Variants in ASIC2 observed in about 807,000 individuals in gnomAD.
ASIC2 encodes the protein acid sensing ion channel subunit 2, also known as acid-sensing ion channel 2.
A neutral mutation model predicts 57.3 loss-of-function variants in ASIC2; 25 were observed. The ratio of observed to expected loss-of-function variants is 0.44; its 90% CI spans 0.32 to 0.61. ASIC2 has a LOEUF of 0.61. Among genes scored for constraint, ASIC2 ranks in the 20% least tolerant of loss-of-function variants. The pLI is 0.06. For synonymous variants in ASIC2, 319 were observed against 307.5 expected (o/e 1.04, Z -0.39); for missense variants, 641 against 738.1 (o/e 0.87, Z 1.52).
intron 1 of ASIC2, among the ~76,000 whole-genome samples, chr17:33,616,566 TTGAC>T (rs2142018568): frequency 6.6e-6 from 1 of 152,366 alleles, no homozygotes; most frequent in South Asian, 2.1e-4. Context: ...AATAACCTAG[TTGAC>T]TGATTCTCAT....
intron 1 of ASIC2, among the ~76,000 whole-genome samples, chr17:33,514,575 T>C (rs1478767336): frequency 3.3e-5 from 5 of 152,214 alleles, no homozygotes; most frequent in Admixed American, 6.5e-5. Context: ...AGCCACCTGT[T>C]TGGACTTCTG....
At chr17:34,125,595 T>C (rs1328553319) in intron 1 of ASIC2, among the ~76,000 whole-genome samples, 4 of 152,158 alleles carry the variant, frequency 2.6e-5, no homozygotes, top group Admixed American at 1.3e-4. Context: ...GGGATCTCTG[T>C]GGCTACCATC....
chr17:33,136,435 G>A (rs764693584), intron 1 of ASIC2, among the ~76,000 whole-genome samples: 1 of 152,170 alleles, frequency 6.6e-6, no homozygotes, highest in Non-Finnish European at 1.5e-5. Context: ...ATATCTGAGT[G>A]CATACATGCT....
intron 1 of ASIC2, among the ~76,000 whole-genome samples, chr17:33,358,185 G>GA (rs1908460697): frequency 6.6e-6 from 1 of 152,186 alleles, no homozygotes; most frequent in Non-Finnish European, 1.5e-5. Context: ...TCTAACGTGT[G>GA]AAGAGTGTTA....
At position 34,125,444 on chromosome 17, in the gene ASIC2, C is replaced by T. The variant is rs147261665; in HGVS notation, c.555+30534G>A. Among the ~76,000 whole-genome samples, 62 of 152,250 alleles carry T rather than the reference C, an allele frequency of 4.1e-4. 1 individual carries two copies. The highest frequency in any genetic ancestry group is 6.8e-3 in the Middle Eastern group (2 of 294). On this transcript the variant is annotated intron_variant, in intron 1 of 9. Coordinates refer to the ASIC2 transcript ENST00000359872. Reference sequence around the variant, plus strand: ...TGGGGACAGCACCAATTCCACAGAACCCACTCTAGCCAGTGTAATCAGAAA... The same window carrying T: ...TGGGGACAGCACCAATTCCACAGAATCCACTCTAGCCAGTGTAATCAGAAA...
At chr17:33,460,833 C>A (rs776338956) in intron 1 of ASIC2, among the ~76,000 whole-genome samples, 1 of 152,110 alleles carries the variant, frequency 6.6e-6, no homozygotes, top group Non-Finnish European at 1.5e-5. Context: ...AGTGGCAGAG[C>A]CAGGATTCAA....
At chr17:33,853,817 A>G (rs1913841380) in intron 1 of ASIC2, among the ~76,000 whole-genome samples, 1 of 152,210 alleles carries the variant, frequency 6.6e-6, no homozygotes, top group African/African-American at 2.4e-5. Flanking sequence ...GCACATGTGG[A>G]GATAAGCATA....
At chr17:33,670,338 G>A (rs1209876423) in intron 1 of ASIC2, among the ~76,000 whole-genome samples, 1 of 152,194 alleles carries the variant, frequency 6.6e-6, no homozygotes, top group Non-Finnish European at 1.5e-5. Flanking sequence ...TTCTAATGCA[G>A]AGAAAATACT....
At chr17:33,573,503 G>T (rs1007535128) in intron 1 of ASIC2, among the ~76,000 whole-genome samples, 3 of 152,200 alleles carry the variant, frequency 2.0e-5, no homozygotes, top group African/African-American at 7.2e-5. Context: ...TCCAGCACAT[G>T]TGGGAAAGCA....
chr17:33,831,253 G>A (rs1212331849), intron 1 of ASIC2, among the ~76,000 whole-genome samples: 1 of 151,206 alleles, frequency 6.6e-6, no homozygotes, highest in East Asian at 1.9e-4. Flanking sequence ...GAGATTTTTG[G>A]GGGCCTGCTC....
intron 1 of ASIC2, among the ~76,000 whole-genome samples, chr17:34,115,821 A>G (rs1032801725): frequency 6.6e-6 from 1 of 152,180 alleles, no homozygotes; most frequent in African/African-American, 2.4e-5. Context: ...CCCCTTATTC[A>G]GGTATATCTG....
At chr17:33,731,683 T>G (rs1450169351) in intron 1 of ASIC2, among the ~76,000 whole-genome samples, 1 of 152,226 alleles carries the variant, frequency 6.6e-6, no homozygotes, top group African/African-American at 2.4e-5. Flanking sequence ...ACTGAAGGTC[T>G]TCAGATATTC....
At chr17:33,993,181 T>C (rs796927694) in intron 1 of ASIC2, among the ~76,000 whole-genome samples, 2 of 152,306 alleles carry the variant, frequency 1.3e-5, no homozygotes, top group African/African-American at 4.8e-5. Context: ...TCAGGGAGCC[T>C]GAAAGTCAAG....
chr17:33,902,999 T>C (rs1260864604), intron 1 of ASIC2, among the ~76,000 whole-genome samples: 2 of 152,162 alleles, frequency 1.3e-5, no homozygotes, highest in African/African-American at 4.8e-5. Context: ...AAATAATAAA[T>C]GTGAAGAGAG....
intron 1 of ASIC2, among the ~76,000 whole-genome samples, chr17:33,507,914 T>A (rs1233365551): frequency 6.6e-6 from 1 of 152,110 alleles, no homozygotes; most frequent in South Asian, 2.1e-4. Context: ...CAAAACAAAA[T>A]ATATATATGA....
At chr17:34,127,297 C>T (rs1413454549) in intron 1 of ASIC2, among the ~76,000 whole-genome samples, 1 of 152,194 alleles carries the variant, frequency 6.6e-6, no homozygotes, top group African/African-American at 2.4e-5. Flanking sequence ...CCCTGCCTTG[C>T]CCAGTCTGTC....
chr17:33,518,249 A>G (rs1475921739), intron 1 of ASIC2, among the ~76,000 whole-genome samples: 4 of 152,158 alleles, frequency 2.6e-5, no homozygotes, highest in African/African-American at 4.8e-5. Context: ...AGAAACAGAT[A>G]CCTCCAGGAT....
At chr17:33,387,979 G>A (rs773195527) in intron 1 of ASIC2, among the ~76,000 whole-genome samples, 5 of 151,890 alleles carry the variant, frequency 3.3e-5, no homozygotes, top group Non-Finnish European at 5.9e-5. Flanking sequence ...ACTCAGGAGG[G>A]AGAGGCAGGA....
chr17:33,297,261 T>C (rs958762503), upstream of ASIC2, among the ~76,000 whole-genome samples: 1 of 152,160 alleles, frequency 6.6e-6, no homozygotes, highest in Non-Finnish European at 1.5e-5. Context: ...GGCTCTTGGG[T>C]GTGAATCTCC....
Sources: allele counts gnomAD v4.1 joint callset (sites outside exome capture counted in the v4.1 genomes callset), GRCh38; gene constraint gnomAD v4.1.1; transcripts MANE v1.5; gene names NCBI Gene and HGNC (gene_info 2026-07-23, HGNC 2026-07-21).